The following AGAP1 variants were observed in gnomAD, a reference collection of about 807,000 sequenced individuals.
AGAP1 encodes the protein ArfGAP with GTPase domain, ankyrin repeat and PH domain 1, also known as arf-GAP with GTPase, ANK repeat and PH domain-containing protein 1.
A neutral mutation model predicts 105.3 loss-of-function variants in AGAP1; 29 were observed. The observed-to-expected ratio is 0.28, with a 90% confidence interval of 0.21 to 0.38. The LOEUF is 0.38. AGAP1 is among the 10% of genes least tolerant of loss of function. The probability of loss-of-function intolerance (pLI) is 1.00; values close to 1 mark genes in which losing one functional copy is unlikely to be tolerated. For missense variants in AGAP1, 998 were observed against 1,165.1 expected (o/e 0.86, Z 2.09); for synonymous variants, 509 against 485.9 (o/e 1.05, Z -0.63).
At chr2:235,844,796 T>C (rs1223395961) in intron 9 of AGAP1, among the ~76,000 whole-genome samples, 1 of 152,180 alleles carries the variant, frequency 6.6e-6, no homozygotes, top group East Asian at 1.9e-4. Flanking sequence ...ATAGCGTTGG[T>C]GCTGTCGCCC....
rs1205771315 is a variant in AGAP1, at chr2:235,589,189, G to GTTTTTTTTTTTTT, written c.163+94344_163+94345insTTTTTTTTTTTTT. Among the ~76,000 whole-genome samples, 5 of 54,924 alleles carry GTTTTTTTTTTTTT rather than the reference G, an allele frequency of 9.1e-5. 1 individual carries two copies. The highest frequency in any genetic ancestry group is 1.5e-4 in the African/African-American group (3 of 19,758). The allele number at this position is 54,924 out of a possible 152,430, so 36.0% of individuals were successfully genotyped here. A position where few individuals can be genotyped will look rare whatever the true frequency, so the allele number is the denominator to read the frequency against. On this transcript the variant is annotated intron_variant, in intron 1 of 17. Transcript: ENST00000304032. Reference sequence around the variant, plus strand: ...GAGAACTACCAGTTAATAGCTTATTGTTTTGTTTTTTTTTTTTTTTTTTTT... The same window carrying GTTTTTTTTTTTTT: ...GAGAACTACCAGTTAATAGCTTATTGTTTTTTTTTTTTTTTTTGTTTTTTTTTTTTTTTTTTTT...
intron 9 of AGAP1, among the ~76,000 whole-genome samples, chr2:235,822,583 A>G (rs1470512077): frequency 6.7e-6 from 1 of 149,776 alleles, no homozygotes; most frequent in Non-Finnish European, 1.5e-5. Context: ...CCAAGGGTGA[A>G]GAGAAGCTGG....
rs2056431737 is a variant in AGAP1, at chr2:236,009,343, GAC to G, written c.1646-27214_1646-27213del. On this transcript the variant is annotated intron_variant, in intron 13 of 17. Coordinates refer to ENST00000304032, the MANE Select transcript of AGAP1 (RefSeq NM_001037131.3). This position sits in a 1 kb window ranked among gnomAD's most constrained non-coding sequence, Gnocchi z 4.2. ...ATACCGGGAGCACTAAACTGGAAGT[GAC>G]ACAAAACCACAGCAGAATCCGCTCA... Among the ~76,000 whole-genome samples the G allele has an allele frequency of 6.6e-6, 1 of 152,184 alleles. No individual in the cohort carries two copies. Among genetic ancestry groups the G allele is most frequent in the Non-Finnish European group, 1.5e-5 (1 of 68,054 alleles).
In AGAP1 at chr2:235,512,362, C is replaced by T. The variant is rs376987891; in HGVS notation, c.163+17513C>T. ...CTGTGATCCCAACACTTTGGGAGAC[C>T]GAAGTGGGAGGATTGCTTGAAGCTA... On this transcript the variant is annotated intron_variant, in intron 1 of 17. Transcript: ENST00000304032. 7.2e-5 allele frequency among the ~76,000 whole-genome samples: 11 copies of T among 152,148 alleles called. No individual in the cohort carries two copies. In the East Asian group the frequency reaches 7.7e-4, roughly 11 times the overall value.
Position 236,076,367 on chromosome 2 carries a change from C to A in AGAP1, c.2114+27086C>A, listed in dbSNP as rs898763790. ...GGAGGCTGAGGCAGAATTGCTTGAACCCTGGAGGCAGAGGTTACAGTGAGT... is the reference window on the plus strand; with the variant it reads ...GGAGGCTGAGGCAGAATTGCTTGAAACCTGGAGGCAGAGGTTACAGTGAGT... On this transcript the variant is annotated intron_variant, in intron 16 of 17. Transcript: ENST00000304032. This position sits in a 1 kb window ranked among gnomAD's most constrained non-coding sequence, Gnocchi z 4.4. Among the ~76,000 whole-genome samples the A allele has an allele frequency of 2.0e-5, 3 of 152,044 alleles. No individual in the cohort carries two copies. The highest frequency in any genetic ancestry group is 4.4e-5 in the Non-Finnish European group (3 of 68,008).
chr2:235,499,568 A>G (rs1157383508), intron 1 of AGAP1, among the ~76,000 whole-genome samples: 1 of 152,062 alleles, frequency 6.6e-6, no homozygotes, highest in Non-Finnish European at 1.5e-5. Context: ...CCTTGCCGGC[A>G]CCCGGGACCT....
intron 1 of AGAP1, among the ~76,000 whole-genome samples, chr2:235,645,121 C>T (rs1295402849): frequency 6.6e-6 from 1 of 152,078 alleles, no homozygotes; most frequent in East Asian, 1.9e-4. Flanking sequence ...GTCTAGAATT[C>T]CTGACCTCAG....
chr2:235,968,257 G>C (rs574951896), intron 12 of AGAP1, among the ~76,000 whole-genome samples: 6 of 152,116 alleles, frequency 3.9e-5, no homozygotes, highest in Non-Finnish European at 8.8e-5. Flanking sequence ...TTTAATAGCG[G>C]GAGGCACAGT....
rs943929857 is a variant in AGAP1, at chr2:235,891,562, C to T, written c.1155+8113C>T. On this transcript the variant is annotated intron_variant, in intron 10 of 17. Coordinates refer to ENST00000304032, the MANE Select transcript of AGAP1 (RefSeq NM_001037131.3). This position sits in a 1 kb window ranked among gnomAD's most constrained non-coding sequence, Gnocchi z 4.2. ...AGAAAGAACTTGGACCTCAGGGCTTCACAGTTCAGCGTGGCCACCTATTCA... is the reference window on the plus strand; with the variant it reads ...AGAAAGAACTTGGACCTCAGGGCTTTACAGTTCAGCGTGGCCACCTATTCA... 4.6e-5 allele frequency among the ~76,000 whole-genome samples: 7 copies of T among 152,164 alleles called. No homozygotes were observed. The highest frequency in any genetic ancestry group is 3.9e-4 in the Admixed American group (6 of 15,276).
At chr2:235,589,140 G>A (rs1945229419) in intron 1 of AGAP1, among the ~76,000 whole-genome samples, 1 of 148,520 alleles carries the variant, frequency 6.7e-6, no homozygotes, top group South Asian at 2.2e-4. Context: ...CAGGAGCCCC[G>A]ATGCTGGTAG....
rs1051542029 is a variant in AGAP1 at position 235,736,424 on chromosome 2, C to G, written c.311-4539C>G. ...AGGTTGCACATCACTCATGGCAGAT[C>G]CATTACATGGGCCATGGGCCAAGCT... On this transcript the variant is annotated intron_variant, in intron 3 of 17. Transcript: ENST00000304032. This position sits in a 1 kb window ranked among gnomAD's most constrained non-coding sequence, Gnocchi z 5.5. Among the ~76,000 whole-genome samples, 2 of 152,100 alleles carry G rather than the reference C, an allele frequency of 1.3e-5. No homozygotes were observed. Among genetic ancestry groups the G allele is most frequent in the African/African-American group, 4.8e-5 (2 of 41,402 alleles).
chr2:235,722,675 C>T (rs1346608861), intron 3 of AGAP1, among the ~76,000 whole-genome samples: 1 of 152,172 alleles, frequency 6.6e-6, no homozygotes, highest in African/African-American at 2.4e-5. Context: ...TCTGCAAAGA[C>T]CCTCTATCCA....
intron 6 of AGAP1, among the ~76,000 whole-genome samples, chr2:235,771,174 G>C (rs1433525171): frequency 1.3e-5 from 2 of 152,216 alleles, no homozygotes; most frequent in Admixed American, 6.5e-5. Context: ...TTTGGACTTT[G>C]GCGTCCAGAA....
At position 235,714,277 on chromosome 2, in the gene AGAP1, A is replaced by T. The variant is rs1037891087; in HGVS notation, c.223-3280A>T. On this transcript the variant is annotated intron_variant, in intron 2 of 17. Coordinates refer to ENST00000304032, the MANE Select transcript of AGAP1 (RefSeq NM_001037131.3). The surrounding 1 kb of genome is among the most constrained non-coding windows in gnomAD (Gnocchi z 4.1). ...GTGATCCACCTGCCTCGGCCTCCCAAAGTGCTGGGATTACAGGCGTGAGCC... is the reference window on the plus strand; with the variant it reads ...GTGATCCACCTGCCTCGGCCTCCCATAGTGCTGGGATTACAGGCGTGAGCC... Among the ~76,000 whole-genome samples the T allele has an allele frequency of 1.3e-5, 2 of 151,988 alleles. No individual in the cohort carries two copies. Among genetic ancestry groups the T allele is most frequent in the African/African-American group, 4.8e-5 (2 of 41,368 alleles).
At chr2:235,686,556 T>TATACACACACACACAC (rs550721460) in intron 1 of AGAP1, among the ~76,000 whole-genome samples, 3 of 101,826 alleles carry the variant, frequency 2.9e-5, no homozygotes, top group African/African-American at 1.2e-4. Flanking sequence ...GATATATATA[T>TATACACACACACACAC]ACACACACAC....
In AGAP1 at chr2:235,668,777, C is replaced by A. The variant is rs145405284; in HGVS notation, c.164-40402C>A. ...TAATGGTGAATATTTAGCATGTACA[C>A]AGAATGCCTGGCACATAGGATTTTA... On this transcript the variant is annotated intron_variant, in intron 1 of 17. Transcript: ENST00000304032. Among the ~76,000 whole-genome samples the A allele has an allele frequency of 3.7e-4, 56 of 152,330 alleles. No homozygotes were observed. The East Asian group carries it at 0.011, about 29-fold the overall frequency.
rs1205960024 is a variant in AGAP1 at position 235,732,302 on chromosome 2, C to T, written c.311-8661C>T. On this transcript the variant is annotated intron_variant, in intron 3 of 17. Coordinates refer to ENST00000304032, the MANE Select transcript of AGAP1 (RefSeq NM_001037131.3). The surrounding 1 kb of genome is among the most constrained non-coding windows in gnomAD (Gnocchi z 4.8). The stretch of plus-strand genomic sequence containing the variant: ...TGACTGTGTCTGTTTCAAGCCATTC[C>T]TCTGTGTCAGAAACTCAGCTTTCAG... 6.6e-6 allele frequency among the ~76,000 whole-genome samples: 1 copy of T among 152,158 alleles called. No individual in the cohort carries two copies. The highest frequency in any genetic ancestry group is 1.5e-5 in the Non-Finnish European group (1 of 68,032).
rs1472020623 is a variant in AGAP1 at position 235,988,564 on chromosome 2, A to C, written c.1645+19941A>C. Among the ~76,000 whole-genome samples, 7 of 152,092 alleles carry C rather than the reference A, an allele frequency of 4.6e-5. No individual in the cohort carries two copies. Among genetic ancestry groups the C allele is most frequent in the Admixed American group, 4.6e-4 (7 of 15,268 alleles). On this transcript the variant is annotated intron_variant, in intron 13 of 17. Transcript: ENST00000304032. The surrounding 1 kb of genome is among the most constrained non-coding windows in gnomAD (Gnocchi z 4.7). ...CAGTAGGTACTTAGTCAAGGCATGC[A>C]GGCGTTTCTCCTTGTTTTAGTTCAT... is the stretch of plus-strand genomic sequence containing the variant.
chr2:235,648,492 C>A (rs1947466463), intron 1 of AGAP1, among the ~76,000 whole-genome samples: 1 of 152,156 alleles, frequency 6.6e-6, no homozygotes, highest in Non-Finnish European at 1.5e-5. Context: ...ACCTTTCCCT[C>A]TCTGTTGTTC....
Sources: allele counts gnomAD v4.1 joint callset (sites outside exome capture counted in the v4.1 genomes callset), GRCh38; gene constraint gnomAD v4.1.1; non-coding constraint Gnocchi (gnomAD v3.1); transcripts MANE v1.5; gene names NCBI Gene and HGNC (gene_info 2026-07-23, HGNC 2026-07-21).